FAM117A: variants seen among roughly 807,000 people sequenced by gnomAD.
FAM117A encodes family with sequence similarity 117 member A, also known as protein FAM117A.
In FAM117A, 21 loss-of-function variants were observed where a neutral mutation model predicts 44.1. The observed-to-expected ratio is 0.48, with a 90% CI of 0.34 to 0.69. FAM117A has a LOEUF of 0.69. FAM117A is among the 30% of genes least tolerant of loss of function. The probability of loss-of-function intolerance (pLI) is 0.01; values close to 1 mark genes in which losing one functional copy is unlikely to be tolerated. For missense variants in FAM117A, 498 were observed against 589.9 expected, an observed-to-expected ratio of 0.84 and a Z score of 1.61; for synonymous variants, 220 against 238.3, an observed-to-expected ratio of 0.92 and a Z score of 0.71.
At chr17:49,714,531 T>A (rs1181444410) in intron 7 of FAM117A, among the ~76,000 whole-genome samples, 3 of 151,616 alleles carry the variant, frequency 2.0e-5, no homozygotes, top group Non-Finnish European at 4.4e-5. Context: ...AGAGGCTGGG[T>A]TTTGCCATGT....
chr17:49,750,879 A>G (rs1410678569), intron 1 of FAM117A, among the ~76,000 whole-genome samples: 2 of 152,252 alleles, frequency 1.3e-5, no homozygotes, highest in African/African-American at 4.8e-5. Flanking sequence ...CACAAAAAAC[A>G]ACAAAGCATT....
chr17:49,748,698 T>A (rs572017741), intron 1 of FAM117A, among the ~76,000 whole-genome samples: 4 of 152,306 alleles, frequency 2.6e-5, no homozygotes, highest in Non-Finnish European at 4.4e-5. Flanking sequence ...GCATTTCAGA[T>A]AAAGGATGCA....
chr17:49,760,426 C>T (rs1057010274), intron 1 of FAM117A, among the ~76,000 whole-genome samples: 5 of 152,200 alleles, frequency 3.3e-5, no homozygotes, highest in Non-Finnish European at 7.3e-5. Flanking sequence ...CACTCCACCA[C>T]CGACAGCACA....
rs903015404 is a variant in FAM117A at position 49,720,494 on chromosome 17, G to C, written c.463-58C>G. The C allele has an allele frequency of 1.2e-5, 17 of 1,372,512 alleles. No homozygotes were observed. The Admixed American group carries it at 1.3e-4, about 11-fold the overall frequency. 85.0% of individuals were successfully genotyped at this position (1,372,512 alleles called of 1,614,324 possible). On this transcript the variant is annotated intron_variant, in intron 3 of 7. Transcript: ENST00000240364. Reference sequence around the variant, plus strand: ...ATTAAGGAAAGCCAAAGTGCACTGGGTCCCTCTTCCAAAGAGTGGCTCCTG... The same window carrying C: ...ATTAAGGAAAGCCAAAGTGCACTGGCTCCCTCTTCCAAAGAGTGGCTCCTG...
intron 1 of FAM117A, among the ~76,000 whole-genome samples, chr17:49,777,143 G>A (rs919887401): frequency 3.9e-5 from 6 of 152,156 alleles, no homozygotes; most frequent in African/African-American, 9.7e-5. Flanking sequence ...CCTGCCTGCC[G>A]CCCATTCTCT....
intron 1 of FAM117A, among the ~76,000 whole-genome samples, chr17:49,738,929 G>A (rs147627685): frequency 1.3e-5 from 2 of 152,304 alleles, no homozygotes; most frequent in African/African-American, 4.8e-5. Context: ...AAACCAAGGT[G>A]TCAAACTTCC....
At chr17:49,740,170 A>G (rs1216527848) in intron 1 of FAM117A, among the ~76,000 whole-genome samples, 3 of 152,162 alleles carry the variant, frequency 2.0e-5, no homozygotes, top group African/African-American at 7.2e-5. Context: ...GAAGGCACAC[A>G]AACGGCAGAT....
At chr17:49,759,968 T>A (rs1940735155) in intron 1 of FAM117A, among the ~76,000 whole-genome samples, 1 of 152,220 alleles carries the variant, frequency 6.6e-6, no homozygotes, top group Admixed American at 6.5e-5. Context: ...TAAAGTAATT[T>A]CCATCTGATT....
rs751333354 is a variant in FAM117A at position 49,711,440 on chromosome 17, C to T, written c.1177G>A (p.Gly393Ser). The change falls in exon 8 of 8, where the codon GGC (glycine) becomes AGC (serine). Residue 393 changes from glycine (G) to serine (S), a missense_variant. Transcript: ENST00000240364. ...PVNLMKPLFP[G>S]MGFIFRNCPS... ...CAGTTACGGAAGATGAAGCCCATGCCGGGGAAGAGGGGCTTCATCAGGTTG... is the reference window on the plus strand; with the variant it reads ...CAGTTACGGAAGATGAAGCCCATGCTGGGGAAGAGGGGCTTCATCAGGTTG... 1.3e-5 allele frequency: 21 copies of T among 1,613,594 alleles called. No individual in the cohort carries two copies. The highest frequency in any genetic ancestry group is 3.3e-5 in the Admixed American group (2 of 59,978).
chr17:49,754,539 C>A (rs2073690508), intron 1 of FAM117A, among the ~76,000 whole-genome samples: 1 of 151,864 alleles, frequency 6.6e-6, no homozygotes, highest in Non-Finnish European at 1.5e-5. Context: ...CTCCTGACGT[C>A]ATGATCCACC....
At position 49,752,185 on chromosome 17, in the gene FAM117A, A is replaced by C. The variant is rs544582558; in HGVS notation, c.196+11707T>G. Among the ~76,000 whole-genome samples, 3 of 152,292 alleles carry C rather than the reference A, an allele frequency of 2.0e-5. No homozygotes were observed. The South Asian group carries it at 6.2e-4, about 32-fold the overall frequency. ...TTAGATAACCTCCAAGAAGTCAATTATCCGTGATACATAGTCCCTAGATGG... is the reference window on the plus strand; with the variant it reads ...TTAGATAACCTCCAAGAAGTCAATTCTCCGTGATACATAGTCCCTAGATGG... On this transcript the variant is annotated intron_variant, in intron 1 of 7. Transcript: ENST00000240364.
chr17:49,768,905 T>C (rs1434670582), upstream of FAM117A, among the ~76,000 whole-genome samples: 2 of 152,226 alleles, frequency 1.3e-5, no homozygotes, highest in Admixed American at 1.3e-4. Flanking sequence ...CTCTCACTTG[T>C]TCCTTCTTCA....
At chr17:49,740,501 G>A (rs1451070831) in intron 1 of FAM117A, among the ~76,000 whole-genome samples, 1 of 152,162 alleles carries the variant, frequency 6.6e-6, no homozygotes, top group Non-Finnish European at 1.5e-5. Context: ...CGCCCACCTT[G>A]TCCTCCCAAA....
At chr17:49,780,346 T>G (rs370838920) in intron 1 of FAM117A, among the ~76,000 whole-genome samples, 79 of 152,308 alleles carry the variant, frequency 5.2e-4, no homozygotes, top group Middle Eastern at 6.8e-3. Flanking sequence ...AGGAAAGTAG[T>G]GTCTACAGAA....
intron 1 of FAM117A, among the ~76,000 whole-genome samples, chr17:49,752,763 A>G (rs2073682517): frequency 6.6e-6 from 1 of 152,092 alleles, no homozygotes; most frequent in Non-Finnish European, 1.5e-5. Flanking sequence ...AATAGTAACC[A>G]TCATCTTCCA....
Position 49,719,838 on chromosome 17 carries a change from C to G in FAM117A, c.630G>C (p.Leu210=). 6.2e-7 allele frequency: 1 copy of G among 1,607,854 alleles called. No homozygotes were observed. The highest frequency in any genetic ancestry group is 2.3e-5 in the East Asian group (1 of 44,332). The change falls in exon 5 of 8, where the codon CTG becomes CTC. Residue 210 remains leucine, a synonymous_variant. Coordinates refer to ENST00000240364, the MANE Select transcript of FAM117A (RefSeq NM_030802.4). ...GSPVLRLSPC[L]HRSLEGLNQE... is the part of the protein sequence containing the mutation. ...GGTTGAGCCCTTCCAGGCTCCTGTG[C>G]AGGCAGGGGCTGAGTCGCAAGACAG...
At chr17:49,723,291 C>G (rs1461986748) in intron 2 of FAM117A, among the ~76,000 whole-genome samples, 1 of 152,158 alleles carries the variant, frequency 6.6e-6, no homozygotes, top group African/African-American at 2.4e-5. Flanking sequence ...ACTCCTTTTC[C>G]TCCCGGGCCT....
intron 1 of FAM117A, among the ~76,000 whole-genome samples, chr17:49,758,637 TAAAATAAA>T (rs1190927852): frequency 4.1e-5 from 4 of 96,836 alleles, no homozygotes; most frequent in Non-Finnish European, 8.0e-5. Flanking sequence ...AAAAAAAAAA[TAAAATAAA>T]TAAATAAATA....
At chr17:49,765,174 G>GA (rs756626428), upstream of FAM117A, among the ~76,000 whole-genome samples, 1 of 151,942 alleles carries the variant, frequency 6.6e-6, no homozygotes, top group South Asian at 2.1e-4. Context: ...TGCTTCAAAA[G>GA]AAAAAAAATA....
Sources: gnomAD v4.1 joint callset for allele counts (sites outside exome capture counted in the v4.1 genomes callset) on GRCh38, gnomAD v4.1.1 for gene constraint, MANE v1.5 for transcripts, NCBI Gene and HGNC (gene_info 2026-07-23, HGNC 2026-07-21) for gene names.